Variants in FBXO34 observed in about 807,000 individuals in gnomAD.
The protein encoded by FBXO34 is F-box protein 34, also known as F-box only protein 34.
FBXO34 carries 12 observed loss-of-function variants against 24.5 expected under a neutral mutation model. The observed-to-expected ratio is 0.49, with a 90% confidence interval of 0.31 to 0.79. FBXO34 has a LOEUF of 0.79. FBXO34 is among the 30% of genes least tolerant of loss of function. The pLI is 0.04. For synonymous variants in FBXO34, 320 were observed against 311.9 expected, an observed-to-expected ratio of 1.03 and a Z score of -0.27; for missense variants, 823 against 857.7, an observed-to-expected ratio of 0.96 and a Z score of 0.51.
At chr14:55,413,144 T>C in the FBXO34 span, among the ~76,000 whole-genome samples, 11 of 152,232 alleles carry the variant, frequency 7.2e-5, no homozygotes, top group Admixed American at 7.2e-4. Context: ...CCTGAAAGTT[T>C]AAGATTTATT....
intron 1 of FBXO34, among the ~76,000 whole-genome samples, chr14:55,318,898 T>C (rs918152344): frequency 2.0e-5 from 3 of 152,156 alleles, no homozygotes; most frequent in Non-Finnish European, 2.9e-5. Flanking sequence ...GATTGAGTCT[T>C]CCAGTCTTGT....
chr14:55,323,183 TCAAAAAAAAAAAA>T (rs1883206935), intron 1 of FBXO34, among the ~76,000 whole-genome samples: 1 of 4,020 alleles, frequency 2.5e-4, no homozygotes, highest in African/African-American at 9.9e-4. Flanking sequence ...AGACTCTGTC[TCAAAAAAAAAAAA>T]AAAAAAAAAA....
intron 1 of FBXO34, among the ~76,000 whole-genome samples, chr14:55,347,358 C>T (rs1272681911): frequency 1.3e-5 from 2 of 152,146 alleles, no homozygotes; most frequent in African/African-American, 4.8e-5. Context: ...CCTTTGCTCC[C>T]TGCATTATAT....
chr14:55,307,308 C>T (rs965015795), intron 1 of FBXO34, among the ~76,000 whole-genome samples: 1 of 152,190 alleles, frequency 6.6e-6, no homozygotes, highest in Non-Finnish European at 1.5e-5. Context: ...TTCTAGTCAA[C>T]TAAAATGTGT....
At chr14:55,368,529 T>A (rs980587212), downstream of FBXO34, 2 of 152,396 alleles carry the variant, frequency 1.3e-5, no homozygotes, top group Non-Finnish European at 2.9e-5. Context: ...TGGGAAATTC[T>A]TTCTTTATAT....
At chr14:55,306,694 G>T (rs774648182) in intron 1 of FBXO34, among the ~76,000 whole-genome samples, 1 of 152,154 alleles carries the variant, frequency 6.6e-6, no homozygotes, top group Non-Finnish European at 1.5e-5. Context: ...CTAGCCAGAC[G>T]TGGTGGCACA....
chr14:55,412,446 T>C, the FBXO34 span, among the ~76,000 whole-genome samples: 1 of 152,216 alleles, frequency 6.6e-6, no homozygotes, highest in East Asian at 1.9e-4. Flanking sequence ...ATCAGAATTG[T>C]ATCCTTCTGA....
intron 1 of FBXO34, among the ~76,000 whole-genome samples, chr14:55,279,746 G>GTA (rs1330983487): frequency 3.3e-5 from 5 of 152,194 alleles, no homozygotes; most frequent in Admixed American, 2.0e-4. Flanking sequence ...TAGCCAGCCT[G>GTA]GGCCTACCTC....
chr14:55,441,730 C>T, the FBXO34 span, among the ~76,000 whole-genome samples: 1 of 152,160 alleles, frequency 6.6e-6, no homozygotes, highest in Non-Finnish European at 1.5e-5. Flanking sequence ...AAGAGCTTAA[C>T]TGTGTAGAAC....
intron 1 of FBXO34, among the ~76,000 whole-genome samples, chr14:55,348,629 A>G (rs908130455): frequency 2.0e-5 from 3 of 152,094 alleles, no homozygotes; most frequent in Admixed American, 6.5e-5. Flanking sequence ...TATGCCTCCC[A>G]AAGCACTGGG....
chr14:55,441,584 G>A, the FBXO34 span, among the ~76,000 whole-genome samples: 25 of 152,220 alleles, frequency 1.6e-4, no homozygotes, highest in African/African-American at 5.1e-4. Flanking sequence ...GTCACTGAGC[G>A]TTCCGTCTAA....
Position 55,351,763 on chromosome 14 carries a change from T to G in FBXO34, c.1373T>G (p.Ile458Ser). Residue 458 changes from isoleucine to serine, a missense_variant, in exon 2 of 2, where the codon ATC (isoleucine) becomes AGC (serine). Ile to Ser is a moderately radical substitution (Grantham distance 142). Transcript: ENST00000313833. Reference protein sequence around the residue: ...DQRKESLCISITVSKVDKDQP... With the variant: ...DQRKESLCISSTVSKVDKDQP... ...AGAAAAGAATCTTTGTGCATTAGTA[T>G]CACTGTGTCCAAGGTAGACAAAGAC... The G allele has an allele frequency of 6.2e-7, 1 of 1,614,222 alleles. No individual in the cohort carries two copies. The highest frequency in any genetic ancestry group is 8.5e-7 in the Non-Finnish European group (1 of 1,180,040).
At chr14:55,414,331 T>G in the FBXO34 span, 1 of 1,388,668 alleles carries the variant, frequency 7.2e-7, no homozygotes, top group South Asian at 1.3e-5. Context: ...TGTGCTGGGC[T>G]TATGGACATA....
At chr14:55,396,060 CTTAAAA>C in the FBXO34 span, 2 of 1,129,214 alleles carry the variant, frequency 1.8e-6, no homozygotes, top group Admixed American at 2.5e-5. Flanking sequence ...AAATCAAACA[CTTAAAA>C]TTAAGTCCTT....
At chr14:55,296,391 GTTTTTTTTTTT>G (rs1167344634) in intron 1 of FBXO34, among the ~76,000 whole-genome samples, 6 of 64,764 alleles carry the variant, frequency 9.3e-5, no homozygotes, top group Non-Finnish European at 1.5e-4. Context: ...TGTTTTTTTT[GTTTTTTTTTTT>G]TTTTTTTTTT....
the FBXO34 span, among the ~76,000 whole-genome samples, chr14:55,411,445 C>T: frequency 6.6e-6 from 1 of 152,232 alleles, no homozygotes; most frequent in Non-Finnish European, 1.5e-5. Flanking sequence ...CCTCTGGTAG[C>T]AAAGCTCCGG....
the FBXO34 span, among the ~76,000 whole-genome samples, chr14:55,382,718 C>T: frequency 6.6e-6 from 1 of 152,126 alleles, no homozygotes; most frequent in Admixed American, 6.5e-5. Context: ...CCAGCTGTGG[C>T]ACAGAAGCCC....
intron 1 of FBXO34, among the ~76,000 whole-genome samples, chr14:55,276,381 C>A (rs1881343000): frequency 6.6e-6 from 1 of 152,158 alleles, no homozygotes; most frequent in African/African-American, 2.4e-5. Flanking sequence ...TATTGCCTAT[C>A]TATCGGTCTA....
At chr14:55,376,136 G>A in the FBXO34 span, among the ~76,000 whole-genome samples, 1 of 152,224 alleles carries the variant, frequency 6.6e-6, no homozygotes, top group East Asian at 1.9e-4. Flanking sequence ...TGAGACCCTG[G>A]CTCCACCACT....
Sources: allele counts gnomAD v4.1 joint callset (sites outside exome capture counted in the v4.1 genomes callset), GRCh38; gene constraint gnomAD v4.1.1; transcripts MANE v1.5; gene names NCBI Gene and HGNC (gene_info 2026-07-23, HGNC 2026-07-21).